ABI1: variants seen among roughly 807,000 people sequenced by gnomAD.
ABI1 encodes Abelson interactor 1.
In ABI1, 14 loss-of-function variants were observed where a neutral mutation model predicts 54.6. That is an observed-to-expected ratio of 0.26 (90% CI 0.17 to 0.40). The LOEUF is 0.40. Among genes scored for constraint, ABI1 ranks in the 10% least tolerant of loss-of-function variants. The probability of loss-of-function intolerance (pLI) is 1.00; values close to 1 mark genes in which losing one functional copy is unlikely to be tolerated. For missense variants in ABI1, 443 were observed against 598.3 expected, an observed-to-expected ratio of 0.74 and a Z score of 2.71; for synonymous variants, 194 against 209.3, an observed-to-expected ratio of 0.93 and a Z score of 0.63.
intron 5 of ABI1, 48 bp from the exon 6 acceptor site, chr10:26,769,040 T>A: frequency 7.0e-7 from 1 of 1,431,740 alleles, no homozygotes; most frequent in Non-Finnish European, 9.3e-7. Flanking sequence ...AAAGATAAAA[T>A]TGTATTTTTC....
At chr10:26,843,453 CAAAAAAAAAAAAAAA>C (rs147957853) in intron 1 of ABI1, among the ~76,000 whole-genome samples, 9 of 53,054 alleles carry the variant, frequency 1.7e-4, no homozygotes, top group African/African-American at 2.2e-4. Context: ...GACTCCGTCT[CAAAAAAAAAAAAAAA>C]AAAAAAAAAA....
intron 2 of ABI1, among the ~76,000 whole-genome samples, chr10:26,781,604 G>T (rs1259843744): frequency 6.6e-6 from 1 of 152,178 alleles, no homozygotes; most frequent in Non-Finnish European, 1.5e-5. Context: ...CATTCTCACA[G>T]ATCTGGCCAA....
At chr10:26,786,502 G>A (rs986407131) in intron 2 of ABI1, among the ~76,000 whole-genome samples, 1 of 151,756 alleles carries the variant, frequency 6.6e-6, no homozygotes, top group Non-Finnish European at 1.5e-5. Flanking sequence ...TTACAGGCAT[G>A]AGCCACCATG....
intron 1 of ABI1, among the ~76,000 whole-genome samples, chr10:26,857,182 G>A (rs556119327): frequency 4.6e-5 from 7 of 151,984 alleles, no homozygotes; most frequent in East Asian, 1.9e-4. Flanking sequence ...TTAGCCAAGC[G>A]TGGTGGTGGG....
chr10:26,858,528 A>C (rs11015350), intron 1 of ABI1, among the ~76,000 whole-genome samples: 6 of 103,212 alleles, frequency 5.8e-5, no homozygotes, highest in African/African-American at 8.2e-5. Context: ...CCCCGCCCCC[A>C]CAAAAAAAGA....
At chr10:26,749,001 C>T (rs112579950) in intron 10 of ABI1, among the ~76,000 whole-genome samples, 1,839 of 152,296 alleles carry the variant, frequency 0.012, 16 homozygotes, top group Non-Finnish European at 0.018. Context: ...AGAAAGCTCT[C>T]TGAATTTTAG....
intron 2 of ABI1, among the ~76,000 whole-genome samples, chr10:26,807,271 C>T (rs563757863): frequency 3.3e-5 from 5 of 152,048 alleles, no homozygotes; most frequent in South Asian, 4.2e-4. Flanking sequence ...CCCGGGAATT[C>T]GACACAGGTC....
intron 2 of ABI1, among the ~76,000 whole-genome samples, chr10:26,787,538 C>T (rs1842851999): frequency 6.6e-6 from 1 of 152,074 alleles, no homozygotes. Flanking sequence ...GTCCAAAACA[C>T]AACATGTCCA....
intron 3 of ABI1, among the ~76,000 whole-genome samples, chr10:26,772,555 T>C (rs1840824886): frequency 6.6e-6 from 1 of 152,180 alleles, no homozygotes; most frequent in Admixed American, 6.5e-5. Context: ...ACTTGAACTC[T>C]GTGCTACTAT....
chr10:26,853,375 G>A (rs1437559474), intron 1 of ABI1, among the ~76,000 whole-genome samples: 1 of 147,668 alleles, frequency 6.8e-6, no homozygotes, highest in African/African-American at 2.5e-5. Context: ...AAAGTTTGTA[G>A]TTCTGGGGTT....
At chr10:26,823,086 A>G in intron 2 of ABI1, 52 bp downstream of exon 2, 1 of 1,468,268 alleles carries the variant, frequency 6.8e-7, no homozygotes, top group Non-Finnish European at 9.2e-7. Flanking sequence ...CTTCTTTGGC[A>G]TATGCTGTAG....
intron 6 of ABI1, among the ~76,000 whole-genome samples, chr10:26,765,601 T>C (rs1040206268): frequency 2.4e-5 from 3 of 125,146 alleles, no homozygotes; most frequent in African/African-American, 9.0e-5. Context: ...TGCCTTACTC[T>C]GGGGATGCAG....
intron 2 of ABI1, among the ~76,000 whole-genome samples, chr10:26,781,022 G>A (rs145516143): frequency 2.5e-4 from 38 of 152,280 alleles, no homozygotes; most frequent in African/African-American, 8.2e-4. Context: ...TGCTCACTGC[G>A]AATAGCCCAT....
rs377094099 is a variant in ABI1, at chr10:26,825,797, T to G, written c.118-2492A>C. Reference sequence around the variant, plus strand: ...AGGTTCACAGCGTCTTCAGCAGGAGTAGATTCTATCTCAAGAAACTATTTC... The same window carrying G: ...AGGTTCACAGCGTCTTCAGCAGGAGGAGATTCTATCTCAAGAAACTATTTC... On this transcript the variant is annotated intron_variant, in intron 1 of 10. Coordinates refer to ENST00000376140, the MANE Select transcript of ABI1 (RefSeq NM_001012750.3). 3.3e-5 allele frequency among the ~76,000 whole-genome samples: 5 copies of G among 152,276 alleles called. No individual in the cohort carries two copies. The East Asian group carries it at 9.7e-4, about 29-fold the overall frequency.
rs1466968945 is a variant in ABI1, at chr10:26,748,045, G to T, written c.*525C>A. On this transcript the variant is annotated 3_prime_UTR_variant, in exon 11 of 11. Coordinates refer to ENST00000376140, the MANE Select transcript of ABI1 (RefSeq NM_001012750.3). ...AAGACACCTAAGTACGAGTCCTCCA[G>T]GTAAATATTACACAAATGGGAAGCA... 2.0e-5 allele frequency: 4 copies of T among 204,900 alleles called. No homozygotes were observed. The highest frequency in any genetic ancestry group is 9.2e-5 in the African/African-American group (4 of 43,614). The allele number at this position is 204,900 out of a possible 1,614,324, so 12.7% of individuals were successfully genotyped here. A position where few individuals can be genotyped will look rare whatever the true frequency, so the allele number is the denominator to read the frequency against.
chr10:26,755,612 AGACAGCCTCTACTCT>A, intron 9 of ABI1, 28 bp downstream of exon 9: 1 of 1,475,726 alleles, frequency 6.8e-7, no homozygotes, highest in Non-Finnish European at 9.5e-7. Context: ...TGCTATAAGG[AGACAGCCTCTACTCT>A]TCCATAGCTC....
At chr10:26,749,304 C>T (rs1239825443) in intron 10 of ABI1, among the ~76,000 whole-genome samples, 1 of 152,084 alleles carries the variant, frequency 6.6e-6, no homozygotes. Flanking sequence ...TCTGTGGTGT[C>T]TGTAATTTTT....
At chr10:26,776,906 C>T (rs1841471896) in intron 3 of ABI1, 159 bp downstream of exon 3, 2 of 607,682 alleles carry the variant, frequency 3.3e-6, no homozygotes, top group Non-Finnish European at 5.3e-6. Flanking sequence ...GATAAAATTG[C>T]ACCCCAACCT....
chr10:26,814,238 G>A (rs888607726), intron 2 of ABI1, among the ~76,000 whole-genome samples: 2 of 152,190 alleles, frequency 1.3e-5, no homozygotes, highest in Admixed American at 6.5e-5. Context: ...GAGAAAATCA[G>A]TGGATCATCT....
Sources: gnomAD v4.1 joint callset for allele counts (sites outside exome capture counted in the v4.1 genomes callset) on GRCh38, gnomAD v4.1.1 for gene constraint, MANE v1.5 for transcripts, NCBI Gene and HGNC (gene_info 2026-07-23, HGNC 2026-07-21) for gene names.